Variants in CCSER1 observed in about 807,000 individuals in gnomAD.
The protein encoded by CCSER1 is coiled-coil serine rich protein 1, also known as serine-rich coiled-coil domain-containing protein 1.
Under a neutral mutation model 82.0 loss-of-function variants are expected in CCSER1, and 41 were observed. The observed-to-expected ratio is 0.50, with a 90% CI of 0.39 to 0.65. The LOEUF is 0.65. Ranked by LOEUF, CCSER1 falls within the 30% of genes least tolerant of loss-of-function variation. The pLI, the probability that CCSER1 is intolerant of heterozygous loss-of-function variation, is 0.00. For missense variants in CCSER1, 1,119 were observed against 1,064.2 expected (o/e 1.05, Z -0.72); for synonymous variants, 414 against 383.9 (o/e 1.08, Z -0.92).
intron 9 of CCSER1, among the ~76,000 whole-genome samples, chr4:90,971,917 GA>G (rs1735147177): frequency 6.6e-6 from 1 of 151,752 alleles, no homozygotes; most frequent in Non-Finnish European, 1.5e-5. Context: ...AATAAATGCA[GA>G]AAAAGAAATT....
chr4:91,309,435 T>C (rs1745295524), intron 10 of CCSER1, among the ~76,000 whole-genome samples: 1 of 152,000 alleles, frequency 6.6e-6, no homozygotes, highest in South Asian at 2.1e-4. Flanking sequence ...TTTCATTAAA[T>C]AGAAAGAAAG....
At chr4:91,482,070 G>GAT (rs200463734) in intron 10 of CCSER1, among the ~76,000 whole-genome samples, 16,789 of 152,052 alleles carry the variant, frequency 0.11, 1,039 homozygotes, top group Middle Eastern at 0.2. Flanking sequence ...ACCATGATGA[G>GAT]ATACCATCTC....
At chr4:90,701,610 C>T (rs1467655235) in intron 6 of CCSER1, among the ~76,000 whole-genome samples, 2 of 152,116 alleles carry the variant, frequency 1.3e-5, no homozygotes, top group East Asian at 1.9e-4. Context: ...ATTCTTCCTA[C>T]CCATGAGCAT....
chr4:90,864,916 C>T (rs544064953), intron 8 of CCSER1, among the ~76,000 whole-genome samples: 17 of 152,094 alleles, frequency 1.1e-4, no homozygotes, highest in African/African-American at 3.4e-4. Flanking sequence ...AATTACATTT[C>T]TATGACTGCT....
At chr4:91,308,658 T>C (rs981112474) in intron 10 of CCSER1, among the ~76,000 whole-genome samples, 3 of 152,020 alleles carry the variant, frequency 2.0e-5, no homozygotes, top group African/African-American at 7.2e-5. Flanking sequence ...TATTTGGAAG[T>C]GTACATAAAC....
At chr4:90,581,137 A>G (rs917537288) in intron 5 of CCSER1, among the ~76,000 whole-genome samples, 7 of 152,140 alleles carry the variant, frequency 4.6e-5, no homozygotes, top group Non-Finnish European at 1.0e-4. Context: ...GTTAATAAAT[A>G]TATAGTAGGA....
intron 4 of CCSER1, among the ~76,000 whole-genome samples, chr4:90,453,939 A>T (rs1486800250): frequency 1.3e-5 from 2 of 152,072 alleles, no homozygotes; most frequent in East Asian, 3.9e-4. Flanking sequence ...GGTGGTCTGG[A>T]CCACCAGAGC....
chr4:91,012,774 C>T (rs549518425), intron 9 of CCSER1, among the ~76,000 whole-genome samples: 2 of 83,226 alleles, frequency 2.4e-5, no homozygotes, highest in South Asian at 3.8e-4. Flanking sequence ...CTTATTCTCT[C>T]GGGGAGGATA....
At chr4:90,459,679 G>T (rs76677686) in intron 4 of CCSER1, among the ~76,000 whole-genome samples, 1 of 151,730 alleles carries the variant, frequency 6.6e-6, no homozygotes, top group African/African-American at 2.4e-5. Flanking sequence ...GGCACCAGTC[G>T]TACTGGATTA....
intron 10 of CCSER1, among the ~76,000 whole-genome samples, chr4:91,466,935 T>C (rs944643171): frequency 1.3e-5 from 2 of 152,154 alleles, no homozygotes; most frequent in Non-Finnish European, 2.9e-5. Flanking sequence ...CTGCCCAAGG[T>C]AATTTATAGA....
At chr4:90,883,574 A>G (rs1721660505) in intron 8 of CCSER1, among the ~76,000 whole-genome samples, 2 of 150,806 alleles carry the variant, frequency 1.3e-5, no homozygotes, top group South Asian at 4.1e-4. Context: ...GCAAGTGTAC[A>G]TAGTCCTAAA....
intron 10 of CCSER1, among the ~76,000 whole-genome samples, chr4:91,293,301 G>T (rs1476860192): frequency 2.6e-5 from 4 of 151,864 alleles, no homozygotes; most frequent in African/African-American, 4.8e-5. Context: ...TGTCGTTTGG[G>T]TATTTATAGC....
At chr4:90,932,661 C>G (rs1261300126) in intron 9 of CCSER1, among the ~76,000 whole-genome samples, 1 of 151,116 alleles carries the variant, frequency 6.6e-6, no homozygotes. Context: ...AATCCCTTCT[C>G]TACTAAAATT....
At chr4:90,944,503 C>T (rs6838874) in intron 9 of CCSER1, among the ~76,000 whole-genome samples, 44,447 of 151,922 alleles carry the variant, frequency 0.29, 6,892 homozygotes, top group Non-Finnish European at 0.32. Flanking sequence ...GTCTTTCATT[C>T]GACATTGAAC....
At chr4:90,237,444 A>C (rs1421589532) in intron 1 of CCSER1, among the ~76,000 whole-genome samples, 1 of 152,204 alleles carries the variant, frequency 6.6e-6, no homozygotes, top group Non-Finnish European at 1.5e-5. Context: ...GAGATTTGAA[A>C]GTAGTTGAAT....
chr4:90,356,236 T>G (rs1744359933), intron 3 of CCSER1, among the ~76,000 whole-genome samples: 1 of 151,822 alleles, frequency 6.6e-6, no homozygotes. Context: ...TTTTATAACG[T>G]CTAATATTTT....
intron 10 of CCSER1, among the ~76,000 whole-genome samples, chr4:91,506,612 C>T (rs1267807586): frequency 6.6e-6 from 1 of 151,954 alleles, no homozygotes; most frequent in East Asian, 1.9e-4. Flanking sequence ...TTCTTATCAA[C>T]TTTAGTGGAA....
chr4:91,594,031 C>A (rs1410743287), intron 10 of CCSER1, among the ~76,000 whole-genome samples: 1 of 152,038 alleles, frequency 6.6e-6, no homozygotes, highest in Non-Finnish European at 1.5e-5. Context: ...GATTTTCCAT[C>A]CTTTCATCCT....
chr4:90,206,956 A>T (rs887067085), intron 1 of CCSER1, among the ~76,000 whole-genome samples: 1 of 151,930 alleles, frequency 6.6e-6, no homozygotes, highest in Middle Eastern at 3.4e-3. Context: ...GTCTCTTTTG[A>T]TCTTTGTTGG....
Sources: allele counts gnomAD v4.1 joint callset (sites outside exome capture counted in the v4.1 genomes callset), GRCh38; gene constraint gnomAD v4.1.1; transcripts MANE v1.5; gene names NCBI Gene and HGNC (gene_info 2026-07-23, HGNC 2026-07-21).